The following PCDHGB1 variants were observed in gnomAD, a reference collection of about 807,000 sequenced individuals.
PCDHGB1 encodes the protein protocadherin gamma-B1.
In PCDHGB1, 34 loss-of-function variants were observed where a neutral mutation model predicts 56.6. That is an observed-to-expected ratio of 0.60 (90% CI 0.46 to 0.80). The LOEUF (loss-of-function observed/expected upper bound fraction) is 0.80. PCDHGB1 is among the 30% of genes least tolerant of loss of function. The probability of loss-of-function intolerance (pLI) is 0.00; values close to 1 mark genes in which losing one functional copy is unlikely to be tolerated. For missense variants in PCDHGB1, 1,278 were observed against 1,204.6 expected, an observed-to-expected ratio of 1.06 and a Z score of -0.90; for synonymous variants, 561 against 505.9, an observed-to-expected ratio of 1.11 and a Z score of -1.46.
At chr5:141,404,326 A>G in intron 1 of PCDHGB1, 2 of 1,613,904 alleles carry the variant, frequency 1.2e-6, no homozygotes, top group Non-Finnish European at 1.7e-6. Context: ...CCTCCTACTC[A>G]GTCTACCTCC....
intron 1 of PCDHGB1, chr5:141,365,209 A>G: frequency 2.5e-6 from 4 of 1,613,922 alleles, no homozygotes; most frequent in Non-Finnish European, 3.4e-6. Flanking sequence ...AGACTTTCCA[A>G]CTTGATTCCA....
chr5:141,355,213 C>T (rs1416061639), intron 1 of PCDHGB1: 2 of 1,600,986 alleles, frequency 1.2e-6, no homozygotes, highest in Non-Finnish European at 1.7e-6. Flanking sequence ...GGCGGCGCCT[C>T]CTGCTCGCCC....
At chr5:141,404,248 G>C (rs1404333144) in intron 1 of PCDHGB1, 10 of 1,613,694 alleles carry the variant, frequency 6.2e-6, no homozygotes, top group South Asian at 1.1e-5. Context: ...CTCCGCCCCT[G>C]TCCACAGAAA....
chr5:141,405,995 A>T (rs985162414), intron 1 of PCDHGB1, among the ~76,000 whole-genome samples: 1 of 151,964 alleles, frequency 6.6e-6, no homozygotes. Context: ...GGTAGCTCTC[A>T]GCCTGCATTG....
Position 141,476,114 on chromosome 5 carries a change from G to A in PCDHGB1, c.2410-18693G>A. Reference sequence around the variant, plus strand: ...CCGCTGAGAGGAACTGCTTTTGAGTGAGATGGTCCCAGAGGCCTGGAGGAG... The same window carrying A: ...CCGCTGAGAGGAACTGCTTTTGAGTAAGATGGTCCCAGAGGCCTGGAGGAG... On this transcript the variant is annotated intron_variant, in intron 1 of 3. Coordinates refer to ENST00000523390, the MANE Select transcript of PCDHGB1 (RefSeq NM_018922.3). The surrounding 1 kb of genome is among the most constrained non-coding windows in gnomAD (Gnocchi z 7.6). 6.3e-7 allele frequency: 1 copy of A among 1,592,296 alleles called. No individual in the cohort carries two copies. The highest frequency in any genetic ancestry group is 8.5e-7 in the Non-Finnish European group (1 of 1,171,536).
At chr5:141,450,364 T>G (rs2098678485) in intron 1 of PCDHGB1, among the ~76,000 whole-genome samples, 1 of 152,188 alleles carries the variant, frequency 6.6e-6, no homozygotes, top group Admixed American at 6.5e-5. Flanking sequence ...TCCTCAGCCT[T>G]GTTTGTTTAT....
Position 141,352,456 on chromosome 5 carries a change from G to T in PCDHGB1, c.2196G>T (p.Gly732=). Residue 732 remains glycine, a synonymous_variant, in exon 1 of 4, where the codon GGG becomes GGT. Coordinates refer to ENST00000523390, the MANE Select transcript of PCDHGB1 (RefSeq NM_018922.3). ...CFQTGLCSKS[G]PGVPPNHSEG... is the part of the protein sequence containing the mutation. The stretch of plus-strand genomic sequence containing the variant: ...AAACCGGTCTCTGCTCCAAGTCTGG[G>T]CCCGGGGTTCCTCCCAACCACAGCG... 3 of 1,614,010 alleles carry T rather than the reference G, an allele frequency of 1.9e-6. No individual in the cohort carries two copies. The highest frequency in any genetic ancestry group is 2.5e-6 in the Non-Finnish European group (3 of 1,179,886).
intron 1 of PCDHGB1, among the ~76,000 whole-genome samples, chr5:141,448,040 C>T (rs892207188): frequency 6.6e-6 from 1 of 151,850 alleles, no homozygotes; most frequent in Admixed American, 6.6e-5. Context: ...GAGCCAAGAT[C>T]ATGCCATTGC....
In PCDHGB1 at chr5:141,489,664, A is replaced by C. The variant is rs745597010; in HGVS notation, c.2410-5143A>C. 1.9e-6 allele frequency: 3 copies of C among 1,614,224 alleles called. No individual in the cohort carries two copies. Among genetic ancestry groups the C allele is most frequent in the African/African-American group, 1.3e-5 (1 of 75,058 alleles). On this transcript the variant is annotated intron_variant, in intron 1 of 3. Transcript: ENST00000523390. This position sits in a 1 kb window ranked among gnomAD's most constrained non-coding sequence, Gnocchi z 4.5. ...TGCCACCCCTGAGCGAGAGATGCGC[A>C]TCTCAGAATCAGCAGCATCTGGGGC... is the stretch of plus-strand genomic sequence containing the variant.
rs1054012796 is a variant in PCDHGB1 at position 141,420,071 on chromosome 5, G to C, written c.2409+67402G>C. The C allele has an allele frequency of 6.2e-7, 1 of 1,614,050 alleles. No individual in the cohort carries two copies. On this transcript the variant is annotated intron_variant, in intron 1 of 3. Coordinates refer to ENST00000523390, the MANE Select transcript of PCDHGB1 (RefSeq NM_018922.3). ...AGTTCTCTGCTCCAAGTCCGGACCT[G>C]TGGGTCCCCCCAACTACAGTGAGGG...
At chr5:141,368,303 C>T (rs981191656) in intron 1 of PCDHGB1, among the ~76,000 whole-genome samples, 2 of 152,066 alleles carry the variant, frequency 1.3e-5, no homozygotes, top group Non-Finnish European at 2.9e-5. Flanking sequence ...TTTTTAAACA[C>T]TGTTAAAGAG....
At position 141,403,597 on chromosome 5, in the gene PCDHGB1, G is replaced by T. The variant is rs772486529; in HGVS notation, c.2409+50928G>T. On this transcript the variant is annotated intron_variant, in intron 1 of 3. Transcript: ENST00000523390. ...CCCACCACCTGGTCCTCACGGCCTC[G>T]GATGGCGGCGAGCCGCGTCGCTCCA... The T allele has an allele frequency of 1.3e-5, 21 of 1,613,692 alleles. No individual in the cohort carries two copies. The African/African-American group carries it at 2.5e-4, about 19-fold the overall frequency.
At position 141,476,903 on chromosome 5, in the gene PCDHGB1, G is replaced by C; in HGVS notation, c.2410-17904G>C. On this transcript the variant is annotated intron_variant, in intron 1 of 3. Transcript: ENST00000523390. The surrounding 1 kb of genome is among the most constrained non-coding windows in gnomAD (Gnocchi z 7.6). Reference sequence around the variant, plus strand: ...GGAGGATGCACCCTCCGGCACGCGCGTGGTACAAGTCCTTGCAACGGATCT... The same window carrying C: ...GGAGGATGCACCCTCCGGCACGCGCCTGGTACAAGTCCTTGCAACGGATCT... The C allele has an allele frequency of 1.2e-6, 2 of 1,614,018 alleles. No individual in the cohort carries two copies. Among genetic ancestry groups the C allele is most frequent in the Non-Finnish European group, 1.7e-6 (2 of 1,180,044 alleles).
At chr5:141,387,732 C>A (rs940812767) in intron 1 of PCDHGB1, 15 of 1,279,330 alleles carry the variant, frequency 1.2e-5, no homozygotes, top group South Asian at 1.6e-5. Context: ...CAGCGCCAGC[C>A]TTTACACCGC....
rs1435378035 is a variant in PCDHGB1 at position 141,355,865 on chromosome 5, G to A, written c.2409+3196G>A. 15 of 1,612,534 alleles carry A rather than the reference G, an allele frequency of 9.3e-6. No individual in the cohort carries two copies. The highest frequency in any genetic ancestry group is 1.3e-5 in the African/African-American group (1 of 74,890). On this transcript the variant is annotated intron_variant, in intron 1 of 3. Transcript: ENST00000523390. ...GCCTTCGATGGAGGTGACCCGGTTC[G>A]CTCTGGCACTGCCAGGATTCTCATA... is the stretch of plus-strand genomic sequence containing the variant.
Position 141,511,250 on chromosome 5 carries a change from CAG to C in PCDHGB1, c.*80_*81del. 2 of 1,571,674 alleles carry C rather than the reference CAG, an allele frequency of 1.3e-6. No homozygotes were observed. Among genetic ancestry groups the C allele is most frequent in the Non-Finnish European group, 1.7e-6 (2 of 1,158,794 alleles). On this transcript the variant is annotated 3_prime_UTR_variant, in exon 4 of 4. Transcript: ENST00000523390. ...CTTCTCCTTACCTGCACCCAGGCCT[CAG>C]AGTTTCAGGGCTAACCCCCAGAATA...
rs756094875 is a variant in PCDHGB1 at position 141,419,594 on chromosome 5, C to T, written c.2409+66925C>T. 2.6e-5 allele frequency: 42 copies of T among 1,611,572 alleles called. No homozygotes were observed. Among genetic ancestry groups the T allele is most frequent in the Admixed American group, 3.3e-5 (2 of 59,964 alleles). ...CGGCTCCGCGCTCTTCGACACAGTG[C>T]CGCGGGCCGCGCAGCCAGGCTACCT... On this transcript the variant is annotated intron_variant, in intron 1 of 3. Transcript: ENST00000523390.
rs2097383894 is a variant in PCDHGB1, at chr5:141,431,489, C to T, written c.2410-63318C>T. On this transcript the variant is annotated intron_variant, in intron 1 of 3. Transcript: ENST00000523390. This position sits in a 1 kb window ranked among gnomAD's most constrained non-coding sequence, Gnocchi z 4.8. ...GAACGACAACGCACCAGCGTTTGCTCAGCCCGAGTACCGCGCGAGCGTTCC... is the reference window on the plus strand; with the variant it reads ...GAACGACAACGCACCAGCGTTTGCTTAGCCCGAGTACCGCGCGAGCGTTCC... The T allele has an allele frequency of 1.2e-6, 2 of 1,613,850 alleles. No homozygotes were observed. The highest frequency in any genetic ancestry group is 3.3e-5 in the Admixed American group (2 of 60,016).
rs765972156 is a variant in PCDHGB1, at chr5:141,432,960, G to A, written c.2410-61847G>A. 3.1e-6 allele frequency: 5 copies of A among 1,614,070 alleles called. No individual in the cohort carries two copies. The East Asian group carries it at 6.7e-5, about 22-fold the overall frequency. On this transcript the variant is annotated intron_variant, in intron 1 of 3. Transcript: ENST00000523390. This position sits in a 1 kb window ranked among gnomAD's most constrained non-coding sequence, Gnocchi z 6.0. ...CAGGCTTCAGGAGGCGGCTTGACAG[G>A]AGCGCCGGCGTCGCACTTTGTGGGC...
Sources: allele counts gnomAD v4.1 joint callset (sites outside exome capture counted in the v4.1 genomes callset), GRCh38; gene constraint gnomAD v4.1.1; non-coding constraint Gnocchi (gnomAD v3.1); transcripts MANE v1.5; gene names NCBI Gene and HGNC (gene_info 2026-07-23, HGNC 2026-07-21).